Variants in SMIM7 observed in about 807,000 individuals in gnomAD.
SMIM7 encodes UPF0608 protein C19orf42.
A neutral mutation model predicts 13.3 loss-of-function variants in SMIM7; 12 were observed. The ratio of observed to expected loss-of-function variants is 0.90; its 90% CI spans 0.58 to 1.46. The LOEUF (loss-of-function observed/expected upper bound fraction) is 1.46, where lower values mean the gene tolerates loss of function less well. SMIM7 is among the 40% of genes most tolerant of loss of function. The pLI is 0.00. For synonymous variants in SMIM7, 36 were observed against 35.8 expected (o/e 1.01, Z -0.02); for missense variants, 114 against 94.8 (o/e 1.20, Z -0.84).
At chr19:16,637,590 T>G (rs1309110988) in intron 4 of SMIM7, among the ~76,000 whole-genome samples, 1 of 152,178 alleles carries the variant, frequency 6.6e-6, no homozygotes, top group Non-Finnish European at 1.5e-5. Context: ...CCCAAGGGAT[T>G]TAGGAGGATG....
chr19:16,652,906 T>C (rs1337557988), intron 4 of SMIM7: 5 of 1,550,594 alleles, frequency 3.2e-6, no homozygotes, highest in Non-Finnish European at 4.4e-6. Flanking sequence ...AACAGTAGTA[T>C]CAGAGTTATG....
Position 16,659,456 on chromosome 19 carries a change from AG to A in SMIM7, c.69-10del. On this transcript the variant is annotated splice_polypyrimidine_tract_variant and intron_variant, in intron 2 of 4. Transcript: ENST00000487416. ...GCGTGTCCTTCTTTTTCCTACAAAG[AG>A]GAGCAGACAGTGTCCACTTTCAATG... The A allele has an allele frequency of 6.2e-7, 1 of 1,611,902 alleles. No individual in the cohort carries two copies.
At chr19:16,652,826 G>T (rs1047137462) in intron 4 of SMIM7, 11 of 1,549,014 alleles carry the variant, frequency 7.1e-6, no homozygotes, top group Non-Finnish European at 8.7e-6. Flanking sequence ...GACCCACAGA[G>T]GCCAAGAACA....
intron 4 of SMIM7, among the ~76,000 whole-genome samples, chr19:16,633,611 C>T (rs2086337838): frequency 6.6e-6 from 1 of 151,958 alleles, no homozygotes; most frequent in African/African-American, 2.4e-5. Context: ...CTCACGCCTG[C>T]AGTCCTAACT....
intron 4 of SMIM7, among the ~76,000 whole-genome samples, chr19:16,653,302 G>A (rs2086552550): frequency 6.6e-6 from 1 of 152,196 alleles, no homozygotes; most frequent in Non-Finnish European, 1.5e-5. Flanking sequence ...AGAAAGCAGG[G>A]CCGGGTGTGG....
At chr19:16,655,680 C>CAAATAAA (rs2086588331) in intron 3 of SMIM7, among the ~76,000 whole-genome samples, 1 of 38,514 alleles carries the variant, frequency 2.6e-5, no homozygotes. Context: ...GACTCCATCT[C>CAAATAAA]AAAAAAAAAA....
intron 3 of SMIM7, among the ~76,000 whole-genome samples, chr19:16,656,366 A>G (rs1056951321): frequency 6.6e-6 from 1 of 152,150 alleles, no homozygotes; most frequent in Non-Finnish European, 1.5e-5. Flanking sequence ...CCTGGGCAAC[A>G]GAGTGAGACT....
intron 4 of SMIM7, among the ~76,000 whole-genome samples, chr19:16,632,811 C>T (rs1042181421): frequency 1.3e-5 from 2 of 152,056 alleles, no homozygotes; most frequent in Non-Finnish European, 2.9e-5. Context: ...GGATTACAGG[C>T]GTGAGCCACC....
At chr19:16,660,037 C>G (rs963891693) in intron 1 of SMIM7, 37 bp from the exon 2 acceptor site, 2 of 1,614,014 alleles carry the variant, frequency 1.2e-6, no homozygotes, top group African/African-American at 2.7e-5. Flanking sequence ...GGGGCGCCCC[C>G]GCGTCCTGCC....
At chr19:16,654,270 C>T in intron 3 of SMIM7, 145 bp from the exon 4 acceptor site, 1 of 661,076 alleles carries the variant, frequency 1.5e-6, no homozygotes, top group Non-Finnish European at 2.7e-6. Context: ...TTTGGTTTCT[C>T]CCTCTTCCCT....
intron 4 of SMIM7, among the ~76,000 whole-genome samples, chr19:16,648,767 G>C (rs1237570478): frequency 6.6e-6 from 1 of 152,082 alleles, no homozygotes; most frequent in Non-Finnish European, 1.5e-5. Context: ...AGCACTTTAG[G>C]AGGCTGAGGT....
At chr19:16,648,149 T>C (rs1279699094) in intron 4 of SMIM7, among the ~76,000 whole-genome samples, 1 of 152,164 alleles carries the variant, frequency 6.6e-6, no homozygotes, top group Non-Finnish European at 1.5e-5. Flanking sequence ...TTAAAAACTT[T>C]TTTTTTTTTG....
chr19:16,653,987 A>G (rs2086562915), intron 4 of SMIM7, 48 bp downstream of exon 4: 4 of 1,499,136 alleles, frequency 2.7e-6, no homozygotes, highest in Admixed American at 1.7e-5. Flanking sequence ...CACCCTGGAG[A>G]AGGAGACTAA....
rs2086549294 is a variant in SMIM7, at chr19:16,653,057, C to T, written c.212+978G>A. The stretch of plus-strand genomic sequence containing the variant: ...AGGTGGAGCAGGATCTGGCAGTGTG[C>T]TGGACATTTAAACCATATTTTCCAC... On this transcript the variant is annotated intron_variant, in intron 4 of 4. Coordinates refer to ENST00000487416, the MANE Select transcript of SMIM7 (RefSeq NM_024104.4). 7 of 1,388,264 alleles carry T rather than the reference C, an allele frequency of 5.0e-6. No homozygotes were observed. In the Admixed American group the frequency reaches 1.3e-4, roughly 27 times the overall value. 86.0% of individuals were successfully genotyped at this position (1,388,264 alleles called of 1,614,324 possible). A position where few individuals can be genotyped will look rare whatever the true frequency, so the allele number is the denominator to read the frequency against.
intron 4 of SMIM7, among the ~76,000 whole-genome samples, chr19:16,650,818 A>T (rs2086515133): frequency 1.3e-5 from 2 of 152,050 alleles, no homozygotes; most frequent in African/African-American, 2.4e-5. Flanking sequence ...CCCCATCTGG[A>T]GTGGATCCTT....
intron 4 of SMIM7, chr19:16,652,869 C>A: frequency 1.3e-6 from 2 of 1,550,520 alleles, no homozygotes; most frequent in South Asian, 2.4e-5. Context: ...TTCCTAAATC[C>A]ATTTACAGCA....
intron 4 of SMIM7, among the ~76,000 whole-genome samples, chr19:16,635,899 A>AAAAAT (rs1200181092): frequency 0.01 from 1,125 of 109,500 alleles, 47 homozygotes; most frequent in African/African-American, 0.044. Context: ...AAAAAAAAAA[A>AAAAAT]ATATATATAT....
exon 5 of SMIM7, chr19:16,631,469 G>C (rs2086321004): frequency 6.6e-6 from 1 of 151,932 alleles, no homozygotes; most frequent in African/African-American, 2.4e-5. Flanking sequence ...ATGGGAAAAG[G>C]CAAGGAAGTT....
chr19:16,658,117 C>T (rs767305281), intron 3 of SMIM7, among the ~76,000 whole-genome samples: 39 of 152,314 alleles, frequency 2.6e-4, no homozygotes, highest in South Asian at 1.9e-3. Flanking sequence ...TTGACTGTGA[C>T]GCCGCCTCCT....
Sources: allele counts gnomAD v4.1 joint callset (sites outside exome capture counted in the v4.1 genomes callset), GRCh38; gene constraint gnomAD v4.1.1; transcripts MANE v1.5; gene names NCBI Gene and HGNC (gene_info 2026-07-23, HGNC 2026-07-21).